ALOX5: variants seen among roughly 807,000 people sequenced by gnomAD.
The protein encoded by ALOX5 is arachidonate 5-lipoxygenase.
ALOX5 carries 64 observed loss-of-function variants against 87.9 expected under a neutral mutation model. The ratio of observed to expected loss-of-function variants is 0.73; its 90% CI spans 0.60 to 0.90. The LOEUF (loss-of-function observed/expected upper bound fraction) is 0.90, where lower values mean the gene tolerates loss of function less well. ALOX5 is among the 40% of genes least tolerant of loss of function. The pLI is 0.00. For synonymous variants in ALOX5, 388 were observed against 355.1 expected (o/e 1.09, Z -1.04); for missense variants, 822 against 907.5 (o/e 0.91, Z 1.21).
In ALOX5 at chr10:45,445,498, G is replaced by A; in HGVS notation, c.1846-10G>A. On this transcript the variant is annotated splice_polypyrimidine_tract_variant and intron_variant, in intron 13 of 13. Coordinates refer to ENST00000374391, the MANE Select transcript of ALOX5 (RefSeq NM_000698.5). Reference sequence around the variant, plus strand: ...TTGACCTATGTGTGTGTCCATGTCTGGGCCCTCAGCTGTTCCTGGGCATGT... The same window carrying A: ...TTGACCTATGTGTGTGTCCATGTCTAGGCCCTCAGCTGTTCCTGGGCATGT... The A allele has an allele frequency of 6.2e-7, 1 of 1,611,020 alleles. No homozygotes were observed. Among genetic ancestry groups the A allele is most frequent in the Non-Finnish European group, 8.5e-7 (1 of 1,177,506 alleles).
At chr10:45,393,309 CAAT>C (rs1840364853) in intron 2 of ALOX5, among the ~76,000 whole-genome samples, 1 of 152,172 alleles carries the variant, frequency 6.6e-6, no homozygotes, top group African/African-American at 2.4e-5. Flanking sequence ...ATACACAAAT[CAAT>C]AAATGTAATC....
intron 1 of ALOX5, among the ~76,000 whole-genome samples, chr10:45,375,512 C>G (rs1052061973): frequency 1.3e-5 from 2 of 152,226 alleles, no homozygotes; most frequent in African/African-American, 4.8e-5. Context: ...ACCAAGCTGC[C>G]TTCTCACCAT....
At chr10:45,443,357 C>A in intron 10 of ALOX5, 59 bp from the exon 11 acceptor site, 1 of 1,592,780 alleles carries the variant, frequency 6.3e-7, no homozygotes, top group East Asian at 2.3e-5. Flanking sequence ...GGGTTGCCGC[C>A]GGGCACCGCT....
At chr10:45,392,153 C>A (rs1588994028) in intron 2 of ALOX5, among the ~76,000 whole-genome samples, 2 of 152,146 alleles carry the variant, frequency 1.3e-5, no homozygotes, top group South Asian at 4.1e-4. Flanking sequence ...CCTGGCCACC[C>A]CTACTGGGAA....
chr10:45,384,875 C>A (rs1299376762), intron 2 of ALOX5, among the ~76,000 whole-genome samples: 1 of 146,186 alleles, frequency 6.8e-6, no homozygotes, highest in Non-Finnish European at 1.5e-5. Context: ...CAGAGTCTCA[C>A]TCTATTGCCC....
intron 4 of ALOX5, among the ~76,000 whole-genome samples, chr10:45,421,807 G>T (rs1186368680): frequency 6.6e-6 from 1 of 152,236 alleles, no homozygotes; most frequent in African/African-American, 2.4e-5. Context: ...GCTCCAGGGT[G>T]CTGTAGCACT....
At chr10:45,392,121 C>T (rs1042860397) in intron 2 of ALOX5, among the ~76,000 whole-genome samples, 28 of 150,670 alleles carry the variant, frequency 1.9e-4, no homozygotes, top group Admixed American at 7.2e-4. Context: ...CTGCCCCGTC[C>T]GGGAGGTGAG....
chr10:45,403,922 G>A (rs1840787426), intron 3 of ALOX5, among the ~76,000 whole-genome samples: 1 of 152,184 alleles, frequency 6.6e-6, no homozygotes, highest in African/African-American at 2.4e-5. Context: ...CCTGCAGCCA[G>A]TTCTCAGAGC....
At chr10:45,434,099 C>T (rs1429894132) in intron 7 of ALOX5, among the ~76,000 whole-genome samples, 1 of 152,198 alleles carries the variant, frequency 6.6e-6, no homozygotes, top group African/African-American at 2.4e-5. Flanking sequence ...TCAAGGAACT[C>T]GGGATTTTCC....
intron 4 of ALOX5, among the ~76,000 whole-genome samples, chr10:45,412,867 G>C (rs559081621): frequency 1.3e-5 from 2 of 152,324 alleles, no homozygotes; most frequent in South Asian, 4.1e-4. Context: ...GTGCACCTTT[G>C]TTTCATCCGA....
intron 6 of ALOX5, among the ~76,000 whole-genome samples, chr10:45,426,668 T>C (rs1371301202): frequency 6.6e-6 from 1 of 152,220 alleles, no homozygotes; most frequent in Non-Finnish European, 1.5e-5. Flanking sequence ...AAAAATCAAC[T>C]CCATCTGGTT....
intron 4 of ALOX5, among the ~76,000 whole-genome samples, chr10:45,423,117 G>A (rs1841565238): frequency 6.6e-6 from 1 of 152,210 alleles, no homozygotes; most frequent in South Asian, 2.1e-4. Flanking sequence ...AATTTGGGGA[G>A]CACAATTTAG....
In ALOX5 at chr10:45,396,397, A is replaced by T. The variant is rs182736551; in HGVS notation, c.431+461A>T. 8.0e-3 allele frequency among the ~76,000 whole-genome samples: 1,222 copies of T among 152,248 alleles called. 23 individuals are homozygous for T. Among genetic ancestry groups the T allele is most frequent in the East Asian group, 0.069 (358 of 5,190 alleles). ...AAATGAATAAAAAAGGAAAAATGAG[A>T]CTCATAAAATGAGGGAAAATCAATA... On this transcript the variant is annotated intron_variant, in intron 3 of 13. Coordinates refer to ENST00000374391, the MANE Select transcript of ALOX5 (RefSeq NM_000698.5).
chr10:45,388,354 A>C (rs1242094257), intron 2 of ALOX5, among the ~76,000 whole-genome samples: 1 of 152,240 alleles, frequency 6.6e-6, no homozygotes, highest in African/African-American at 2.4e-5. Flanking sequence ...GGTTCACCCA[A>C]CATGGAATTT....
intron 7 of ALOX5, 78 bp downstream of exon 7, chr10:45,428,842 C>G (rs963598746): frequency 2.6e-6 from 4 of 1,552,580 alleles, no homozygotes; most frequent in African/African-American, 1.4e-5. Flanking sequence ...TCCATTCACA[C>G]TCCAGCTGAG....
intron 3 of ALOX5, among the ~76,000 whole-genome samples, chr10:45,401,675 G>T (rs560715904): frequency 6.6e-6 from 1 of 152,144 alleles, no homozygotes; most frequent in African/African-American, 2.4e-5. Flanking sequence ...GGACATTTAG[G>T]AGGTTTCTAA....
Position 45,443,458 on chromosome 10 carries a change from G to A in ALOX5, c.1494G>A (p.Gln498=), listed in dbSNP as rs1448010866. 13 of 1,612,394 alleles carry A rather than the reference G, an allele frequency of 8.1e-6. No homozygotes were observed. In the South Asian group the frequency reaches 1.2e-4, roughly 15 times the overall value. ...TAGACATCTACTACGAGGGCGACCA[G>A]GTGGTGGAGGAGGACCCGGAGCTGC... ...EVVDIYYEGD[Q]VVEEDPELQD... The change falls in exon 11 of 14, where the codon CAG becomes CAA. Residue 498 remains glutamine, a synonymous_variant. Transcript: ENST00000374391.
chr10:45,414,991 T>A (rs2132769740), intron 4 of ALOX5, among the ~76,000 whole-genome samples: 1 of 152,364 alleles, frequency 6.6e-6, no homozygotes, highest in South Asian at 2.1e-4. Context: ...TTGGTGGGAC[T>A]GTAAACTAGT....
chr10:45,395,757 C>G, intron 2 of ALOX5, 98 bp from the exon 3 acceptor site: 4 of 1,014,670 alleles, frequency 3.9e-6, no homozygotes, highest in Non-Finnish European at 6.2e-6. Flanking sequence ...ATAAAGCACT[C>G]GGCATGGGCA....
Sources: gnomAD v4.1 joint callset for allele counts (sites outside exome capture counted in the v4.1 genomes callset) on GRCh38, gnomAD v4.1.1 for gene constraint, MANE v1.5 for transcripts, NCBI Gene and HGNC (gene_info 2026-07-23, HGNC 2026-07-21) for gene names.